The following WASHC2C variants were observed in gnomAD, a reference collection of about 807,000 sequenced individuals.
The protein encoded by WASHC2C is WASH complex subunit 2C, also known as Vaccinia Penetration Factor.
In WASHC2C, 73 loss-of-function variants were observed where a neutral mutation model predicts 142.2. The ratio of observed to expected loss-of-function variants is 0.51; its 90% CI spans 0.43 to 0.62. WASHC2C has a LOEUF of 0.62. Ranked by LOEUF, WASHC2C falls within the 20% of genes least tolerant of loss-of-function variation. WASHC2C has a pLI of 0.00. For synonymous variants in WASHC2C, 337 were observed against 565.5 expected, an observed-to-expected ratio of 0.60 and a Z score of 5.73; for missense variants, 969 against 1,531.7, an observed-to-expected ratio of 0.63 and a Z score of 6.13.
chr10:45,784,000 T>A (rs1181963749), intron 23 of WASHC2C, among the ~76,000 whole-genome samples: 5 of 151,906 alleles, frequency 3.3e-5, no homozygotes, highest in Admixed American at 6.6e-5. Context: ...TGCTTACAGG[T>A]GAGGGACACA....
chr10:45,788,907 A>G lies in WASHC2C; in HGVS notation c.3124A>G (p.Thr1042Ala). 1 of 1,612,034 alleles carries G rather than the reference A, an allele frequency of 6.2e-7. No homozygotes were observed. Among genetic ancestry groups the G allele is most frequent in the Non-Finnish European group, 8.5e-7 (1 of 1,179,858 alleles). Residue 1042 changes from threonine (T) to alanine (A), a missense_variant, in exon 29 of 31, where the codon ACC becomes GCC. Thr to Ala is a moderately conservative substitution (Grantham distance 58). Transcript: ENST00000623400. Reference sequence around the variant, plus strand: ...GATGAGAGGGAAGCGTAGACCGCAGACCCGTGCAGCTAGGCGGCTGGCTGC... The same window carrying G: ...GATGAGAGGGAAGCGTAGACCGCAGGCCCGTGCAGCTAGGCGGCTGGCTGC... ...VKMRGKRRPQ[T>A]RAARRLAAQE...
intron 28 of WASHC2C, among the ~76,000 whole-genome samples, chr10:45,787,865 A>T (rs768366532): frequency 2.0e-5 from 3 of 152,232 alleles, no homozygotes; most frequent in African/African-American, 7.2e-5. Context: ...AAGTTCCCAC[A>T]GCAGCGACAC....
Position 45,790,350 on chromosome 10 carries a change from A to C in WASHC2C, c.3709-6A>C, listed in dbSNP as rs1356883492. The C allele has an allele frequency of 8.1e-6, 13 of 1,608,492 alleles. No individual in the cohort carries two copies. In the Admixed American group the frequency reaches 2.2e-4, roughly 27 times the overall value. On this transcript the variant is annotated splice_polypyrimidine_tract_variant and splice_region_variant and intron_variant, in intron 29 of 30. Coordinates refer to ENST00000623400, the MANE Select transcript of WASHC2C (RefSeq NM_001330074.2). ...ATTGTTTTGTATGTATTTTTGGCTT[A>C]ACAAGGATGATATATTTGCTACGGA... is the stretch of plus-strand genomic sequence containing the variant.
intron 28 of WASHC2C, among the ~76,000 whole-genome samples, chr10:45,787,601 A>G (rs1554890864): frequency 6.7e-6 from 1 of 150,286 alleles, no homozygotes. Context: ...CTCCAAGGAG[A>G]GCATTCGGGC....
chr10:45,757,587 C>T (rs1466901216), intron 16 of WASHC2C, among the ~76,000 whole-genome samples: 1 of 152,164 alleles, frequency 6.6e-6, no homozygotes, highest in East Asian at 1.9e-4. Context: ...CCAGTTGCCC[C>T]AGAATGTCTT....
chr10:45,774,226 C>T (rs1391122034), intron 21 of WASHC2C, among the ~76,000 whole-genome samples: 1 of 17,342 alleles, frequency 5.8e-5, no homozygotes, highest in Non-Finnish European at 1.2e-4. Context: ...GGCCAGCATG[C>T]TGCCCACCCT....
At chr10:45,787,354 T>C in intron 28 of WASHC2C, 107 bp downstream of exon 28, 1 of 1,453,054 alleles carries the variant, frequency 6.9e-7, no homozygotes, top group South Asian at 1.2e-5. Context: ...ACTCTCCTTT[T>C]GAAGGAGGTG....
At chr10:45,751,116 A>G (rs2053536214) in intron 10 of WASHC2C, among the ~76,000 whole-genome samples, 1 of 152,128 alleles carries the variant, frequency 6.6e-6, no homozygotes, top group African/African-American at 2.4e-5. Flanking sequence ...CCAGAGAACC[A>G]TGGGCAACAG....
chr10:45,759,721 A>G (rs1356519999), intron 17 of WASHC2C, among the ~76,000 whole-genome samples: 2 of 152,150 alleles, frequency 1.3e-5, no homozygotes, highest in African/African-American at 4.8e-5. Flanking sequence ...CAGAAGGCTG[A>G]GATAGGAGAT....
At chr10:45,754,348 A>G in intron 13 of WASHC2C, 138 bp from the exon 14 acceptor site, 1 of 1,527,732 alleles carries the variant, frequency 6.5e-7, no homozygotes, top group Non-Finnish European at 8.8e-7. Context: ...AAGGAATTTT[A>G]AAATGGCTTG....
intron 21 of WASHC2C, among the ~76,000 whole-genome samples, chr10:45,774,846 C>T (rs1245136073): frequency 3.6e-5 from 5 of 137,486 alleles, no homozygotes; most frequent in East Asian, 2.0e-4. Context: ...AGTGAAGCAA[C>T]GGTGACTTTC....
In WASHC2C at chr10:45,755,041, G is replaced by C. The variant is rs1412373904; in HGVS notation, c.1346G>C (p.Gly449Ala). The C allele has an allele frequency of 1.2e-6, 2 of 1,611,774 alleles. No individual in the cohort carries two copies. Among genetic ancestry groups the C allele is most frequent in the South Asian group, 1.1e-5 (1 of 90,980 alleles). Residue 449 changes from glycine to alanine, a missense_variant, in exon 15 of 31, where the codon GGC becomes GCC. Physicochemically the swap from Gly to Ala is moderately conservative, Grantham distance 60. Transcript: ENST00000623400. ...RKSPYGPPPT[G>A]LFDDDDGDDD... Reference sequence around the variant, plus strand: ...AGCCCCTATGGTCCCCCTCCCACTGGCCTCTTTGATGATGATGATGGTGAT... The same window carrying C: ...AGCCCCTATGGTCCCCCTCCCACTGCCCTCTTTGATGATGATGATGGTGAT...
In WASHC2C at chr10:45,792,432, G is replaced by A; in HGVS notation, c.*32G>A. ...CAGGGTATCCACATGTTACCCTGCA[G>A]CTACATTGTTGAGTTAGTGATGATA... On this transcript the variant is annotated 3_prime_UTR_variant, in exon 31 of 31. Transcript: ENST00000623400. The A allele has an allele frequency of 2.6e-6, 4 of 1,561,966 alleles. No individual in the cohort carries two copies. Among genetic ancestry groups the A allele is most frequent in the Non-Finnish European group, 3.5e-6 (4 of 1,144,912 alleles).
At position 45,785,509 on chromosome 10, in the gene WASHC2C, G is replaced by A. The variant is rs201112009; in HGVS notation, c.2689G>A (p.Val897Ile). 3 of 1,612,788 alleles carry A rather than the reference G, an allele frequency of 1.9e-6. No individual in the cohort carries two copies. Among genetic ancestry groups the A allele is most frequent in the Middle Eastern group, 1.7e-4 (1 of 6,050 alleles). ...TTTTGGTATTTTTTTTCTTTTGAAG[G>A]TACAAGAGAAAAAGAGAGTAGTGAA... The part of the protein sequence containing the change: ...LFSSAKSQPL[V>I]QEKKRVVKKD... Residue 897 changes from valine (V) to isoleucine (I), a missense_variant and splice_region_variant, in exon 26 of 31, where the codon GTA (valine) becomes ATA (isoleucine). Transcript: ENST00000623400.
chr10:45,757,790 T>C (rs1408979487), intron 16 of WASHC2C, among the ~76,000 whole-genome samples: 69 of 152,332 alleles, frequency 4.5e-4, no homozygotes, highest in Middle Eastern at 3.4e-3. Context: ...AGCGTTTGCC[T>C]TCCTATGAGA....
Position 45,777,368 on chromosome 10 carries a change from T to G in WASHC2C, c.2238T>G (p.Val746=), listed in dbSNP as rs782704693. The G allele has an allele frequency of 1.9e-6, 3 of 1,609,910 alleles. No homozygotes were observed. Among genetic ancestry groups the G allele is most frequent in the Non-Finnish European group, 2.5e-6 (3 of 1,178,316 alleles). Residue 746 remains valine, a synonymous_variant, in exon 22 of 31, where the codon GTT becomes GTG. Transcript: ENST00000623400. ...GAGTGAAGTCTGTGGATAAGAAGGT[T>G]GAGAGTGCCAAGGAGTCATTAAAAT... ...QLGVKSVDKK[V]ESAKESLKFG...
chr10:45,742,280 T>C (rs1481737592), intron 5 of WASHC2C, among the ~76,000 whole-genome samples: 1 of 152,238 alleles, frequency 6.6e-6, no homozygotes, highest in African/African-American at 2.4e-5. Context: ...GGGGGTATTG[T>C]TCTTCTGTTT....
intron 3 of WASHC2C, among the ~76,000 whole-genome samples, chr10:45,733,688 C>T (rs553515576): frequency 6.6e-6 from 1 of 152,308 alleles, no homozygotes; most frequent in South Asian, 2.1e-4. Flanking sequence ...GGCTTTCTAG[C>T]TGCAGGCTGC....
chr10:45,749,692 G>T (rs549348235), intron 8 of WASHC2C, among the ~76,000 whole-genome samples: 2 of 150,588 alleles, frequency 1.3e-5, no homozygotes, highest in East Asian at 3.9e-4. Flanking sequence ...TGGGCGTAGT[G>T]GTGCATGCGT....
Sources: gnomAD v4.1 joint callset for allele counts (sites outside exome capture counted in the v4.1 genomes callset) on GRCh38, gnomAD v4.1.1 for gene constraint, MANE v1.5 for transcripts, NCBI Gene and HGNC (gene_info 2026-07-23, HGNC 2026-07-21) for gene names.